The following CEP128 variants were observed in gnomAD, a reference collection of about 807,000 sequenced individuals.
CEP128 encodes centrosomal protein 128.
Under a neutral mutation model 156.7 loss-of-function variants are expected in CEP128, and 132 were observed. The ratio of observed to expected loss-of-function variants is 0.84; its 90% CI spans 0.73 to 0.97. CEP128 has a LOEUF of 0.97. Among genes scored for constraint, CEP128 ranks in the 50% least tolerant of loss-of-function variants. The pLI, the probability that CEP128 is intolerant of heterozygous loss-of-function variation, is 0.00. For synonymous variants in CEP128, 469 were observed against 448.9 expected (o/e 1.04, Z -0.57); for missense variants, 1,252 against 1,281.9 (o/e 0.98, Z 0.36).
chr14:80,770,597 C>A (rs1349511137), intron 16 of CEP128, among the ~76,000 whole-genome samples: 3 of 152,134 alleles, frequency 2.0e-5, no homozygotes, highest in East Asian at 3.8e-4. Flanking sequence ...AAAAATGTAT[C>A]ATTTGCCTTC....
chr14:80,844,021 T>A (rs1484995125), intron 9 of CEP128, among the ~76,000 whole-genome samples: 1 of 152,044 alleles, frequency 6.6e-6, no homozygotes, highest in Non-Finnish European at 1.5e-5. Flanking sequence ...ACTTTTTTTG[T>A]CATGTTCTTT....
chr14:80,615,433 C>T (rs1395621973), intron 19 of CEP128, among the ~76,000 whole-genome samples: 2 of 152,190 alleles, frequency 1.3e-5, no homozygotes, highest in Non-Finnish European at 2.9e-5. Context: ...AGCAGCTAAG[C>T]AACTCAGCTT....
intron 23 of CEP128, among the ~76,000 whole-genome samples, chr14:80,520,007 G>A (rs1309893892): frequency 6.6e-6 from 1 of 152,142 alleles, no homozygotes; most frequent in Non-Finnish European, 1.5e-5. Flanking sequence ...AGTCCTCTCA[G>A]CACTAACATT....
chr14:80,729,083 G>GTGTGTGTC (rs1898153520), intron 19 of CEP128, among the ~76,000 whole-genome samples: 13 of 66,794 alleles, frequency 1.9e-4, no homozygotes, highest in African/African-American at 4.4e-4. Flanking sequence ...GTGTGTGTGT[G>GTGTGTGTC]TGTGTGTGTG....
At chr14:80,620,421 T>C (rs1331879605) in intron 19 of CEP128, among the ~76,000 whole-genome samples, 3 of 152,056 alleles carry the variant, frequency 2.0e-5, no homozygotes, top group Non-Finnish European at 2.9e-5. Context: ...TAAATAAGTC[T>C]ATACCAAATA....
chr14:80,546,390 A>T (rs11849577), intron 21 of CEP128, among the ~76,000 whole-genome samples: 48,622 of 151,980 alleles, frequency 0.32, 8,004 homozygotes, highest in East Asian at 0.37. Context: ...AGAGTTGGAG[A>T]GTATCAGGCT....
intron 16 of CEP128, among the ~76,000 whole-genome samples, chr14:80,770,159 T>C (rs1566904452): frequency 2.6e-5 from 4 of 152,236 alleles, no homozygotes; most frequent in Non-Finnish European, 5.9e-5. Flanking sequence ...ATAGCAGGCC[T>C]CTCAATCAAG....
chr14:80,516,891 T>C (rs1888515052), intron 23 of CEP128, among the ~76,000 whole-genome samples: 1 of 152,290 alleles, frequency 6.6e-6, no homozygotes, highest in African/African-American at 2.4e-5. Context: ...TTCCTTGATA[T>C]GATGTTAGAA....
chr14:80,811,980 T>C (rs1884581748), intron 13 of CEP128, among the ~76,000 whole-genome samples: 4 of 152,202 alleles, frequency 2.6e-5, no homozygotes, highest in Admixed American at 1.3e-4. Flanking sequence ...GTTACATGGG[T>C]AAATTGCATG....
At position 80,827,156 on chromosome 14, in the gene CEP128, G is replaced by A. The variant is rs972639651; in HGVS notation, c.1209+3987C>T. 3.9e-5 allele frequency among the ~76,000 whole-genome samples: 6 copies of A among 152,030 alleles called. 1 individual carries two copies. The East Asian group carries it at 1.2e-3, about 29-fold the overall frequency. ...ATGCAATTAGTAAGATATAGCAAAG[G>A]TCCCCTTAAATACTGACAAATCTTC... On this transcript the variant is annotated intron_variant, in intron 13 of 24. Transcript: ENST00000555265.
intron 13 of CEP128, among the ~76,000 whole-genome samples, chr14:80,829,662 G>A (rs1388644504): frequency 2.0e-5 from 3 of 152,166 alleles, no homozygotes; most frequent in Non-Finnish European, 4.4e-5. Flanking sequence ...AACAGTGTCT[G>A]GCATGTAACA....
intron 19 of CEP128, among the ~76,000 whole-genome samples, chr14:80,619,375 C>CAG (rs1893370162): frequency 6.7e-6 from 1 of 149,296 alleles, no homozygotes; most frequent in Non-Finnish European, 1.5e-5. Context: ...CAGACACACA[C>CAG]ACACACACAC....
intron 9 of CEP128, among the ~76,000 whole-genome samples, chr14:80,845,956 C>G (rs1375503015): frequency 1.3e-5 from 2 of 152,146 alleles, no homozygotes; most frequent in African/African-American, 4.8e-5. Flanking sequence ...ATCCTGCACA[C>G]AGAAAATCTC....
In CEP128 at chr14:80,533,048, G is replaced by C. The variant is rs143171651; in HGVS notation, c.2881-2162C>G. On this transcript the variant is annotated intron_variant, in intron 21 of 24. Transcript: ENST00000555265. Reference sequence around the variant, plus strand: ...ACTTACACTGCCATGCATTTTAAATGACTTCATCTAATTTTTTCATGTGTA... The same window carrying C: ...ACTTACACTGCCATGCATTTTAAATCACTTCATCTAATTTTTTCATGTGTA... Among the ~76,000 whole-genome samples the C allele has an allele frequency of 3.3e-5, 5 of 152,158 alleles. No homozygotes were observed. In the East Asian group the frequency reaches 9.7e-4, roughly 29 times the overall value.
intron 9 of CEP128, among the ~76,000 whole-genome samples, chr14:80,861,696 T>C (rs1887519978): frequency 6.6e-6 from 1 of 152,184 alleles, no homozygotes; most frequent in African/African-American, 2.4e-5. Context: ...GAACCTATAT[T>C]TTATCCTGGA....
At chr14:80,547,267 A>C (rs1311841852) in intron 21 of CEP128, among the ~76,000 whole-genome samples, 2 of 152,218 alleles carry the variant, frequency 1.3e-5, no homozygotes, top group Non-Finnish European at 2.9e-5. Flanking sequence ...TGGTCCCAAA[A>C]TGTCCATACC....
intron 19 of CEP128, among the ~76,000 whole-genome samples, chr14:80,598,156 G>A (rs890338722): frequency 9.9e-5 from 15 of 151,602 alleles, no homozygotes; most frequent in Admixed American, 6.6e-4. Flanking sequence ...AAAAGTGTCC[G>A]TATTTGCAGA....
chr14:80,742,428 C>T (rs1053400071), intron 19 of CEP128, among the ~76,000 whole-genome samples: 1 of 151,964 alleles, frequency 6.6e-6, no homozygotes, highest in Non-Finnish European at 1.5e-5. Context: ...ATTCCACTAC[C>T]AAGGTGCTTC....
downstream of CEP128, among the ~76,000 whole-genome samples, chr14:80,487,384 T>C (rs370315369): frequency 2.0e-5 from 3 of 152,146 alleles, no homozygotes; most frequent in Non-Finnish European, 4.4e-5. Flanking sequence ...AGCAAGTCCT[T>C]AGTGACCTAC....
Sources: gnomAD v4.1 joint callset for allele counts (sites outside exome capture counted in the v4.1 genomes callset) on GRCh38, gnomAD v4.1.1 for gene constraint, MANE v1.5 for transcripts, NCBI Gene and HGNC (gene_info 2026-07-23, HGNC 2026-07-21) for gene names.